Variants in AHCY observed in about 807,000 individuals in gnomAD.
The protein encoded by AHCY is adenosylhomocysteinase.
Under a neutral mutation model 45.4 loss-of-function variants are expected in AHCY, and 24 were observed. The ratio of observed to expected loss-of-function variants is 0.53; its 90% CI spans 0.38 to 0.74. The LOEUF (loss-of-function observed/expected upper bound fraction) is 0.74, where lower values mean the gene tolerates loss of function less well. Among genes scored for constraint, AHCY ranks in the 30% least tolerant of loss-of-function variants. The pLI is 0.00. For synonymous variants in AHCY, 245 were observed against 235.1 expected (o/e 1.04, Z -0.39); for missense variants, 449 against 594.1 (o/e 0.76, Z 2.54).
At chr20:34,262,694 A>G in the AHCY span, 2 of 884,502 alleles carry the variant, frequency 2.3e-6, no homozygotes, top group Non-Finnish European at 3.7e-6. Flanking sequence ...CTTGAGTCCT[A>G]CAGTGTGACT....
the AHCY span, among the ~76,000 whole-genome samples, chr20:34,255,910 G>A: frequency 6.6e-6 from 1 of 152,146 alleles, no homozygotes; most frequent in Non-Finnish European, 1.5e-5. Context: ...CCCCGGGGGA[G>A]TTAGAGAAGA....
intron 2 of AHCY, among the ~76,000 whole-genome samples, chr20:34,294,404 C>A (rs1397575319): frequency 6.6e-6 from 1 of 152,126 alleles, no homozygotes; most frequent in Non-Finnish European, 1.5e-5. Context: ...AGCAAGGGGA[C>A]AACTGCAGAG....
At chr20:34,308,506 T>G (rs2036917030) in intron 1 of AHCY, among the ~76,000 whole-genome samples, 1 of 152,138 alleles carries the variant, frequency 6.6e-6, no homozygotes, top group Non-Finnish European at 1.5e-5. Context: ...GCCAAGATTA[T>G]GCCACTGCAC....
At position 34,281,145 on chromosome 20, in the gene AHCY, T is replaced by A. The variant is rs886056635; in HGVS notation, c.1188A>T (p.Glu396Asp). ...TCACATTCAGCTTGCCCAGGTGGGC[T>A]TCAGCCACTGCCTCATCCAGCTGGG... ...LPKKLDEAVA[E>D]AHLGKLNVKL... The change falls in exon 10 of 10, where the codon GAA becomes GAT. Residue 396 changes from glutamate (E) to aspartate (D), a missense_variant. Physicochemically the swap from Glu to Asp is conservative, Grantham distance 45. Coordinates refer to ENST00000217426, the MANE Select transcript of AHCY (RefSeq NM_000687.4). The A allele has an allele frequency of 6.2e-7, 1 of 1,613,558 alleles. No homozygotes were observed. The highest frequency in any genetic ancestry group is 1.1e-5 in the South Asian group (1 of 91,048).
At chr20:34,249,111 AGAGT>A in the AHCY span, among the ~76,000 whole-genome samples, 1 of 152,122 alleles carries the variant, frequency 6.6e-6, no homozygotes, top group Non-Finnish European at 1.5e-5. Context: ...CCTGGGTGAC[AGAGT>A]GAGACCCTGT....
the AHCY span, among the ~76,000 whole-genome samples, chr20:34,266,913 CCTGT>C: frequency 6.6e-6 from 1 of 152,156 alleles, no homozygotes; most frequent in African/African-American, 2.4e-5. Flanking sequence ...ACACCTTATT[CCTGT>C]CTTAGTGTGC....
chr20:34,306,977 G>A (rs1173813002), upstream of AHCY, among the ~76,000 whole-genome samples: 1 of 152,114 alleles, frequency 6.6e-6, no homozygotes, highest in African/African-American at 2.4e-5. Context: ...TTGTGGTGAT[G>A]GAATGTTCTG....
intron 9 of AHCY, 149 bp downstream of exon 9, chr20:34,285,290 TG>T: frequency 1.2e-6 from 1 of 814,554 alleles, no homozygotes; most frequent in Non-Finnish European, 2.0e-6. Context: ...CTTCTGTCAA[TG>T]GGGAGAATGA....
chr20:34,243,570 A>T, the AHCY span, among the ~76,000 whole-genome samples: 1 of 152,130 alleles, frequency 6.6e-6, no homozygotes, highest in Non-Finnish European at 1.5e-5. Context: ...ACTGTGGAGC[A>T]CATGTTGATA....
upstream of AHCY, among the ~76,000 whole-genome samples, chr20:34,306,146 T>C (rs2036894323): frequency 6.6e-6 from 1 of 151,716 alleles, no homozygotes; most frequent in Admixed American, 6.6e-5. Flanking sequence ...TAATTAATGA[T>C]GACTCTCATC....
chr20:34,270,633 CCATT>C, the AHCY span, among the ~76,000 whole-genome samples: 1 of 152,200 alleles, frequency 6.6e-6, no homozygotes, highest in Non-Finnish European at 1.5e-5. Context: ...GAAGACCAAC[CCATT>C]CATTCATTCA....
chr20:34,246,148 A>T, the AHCY span: 28 of 1,004,432 alleles, frequency 2.8e-5, no homozygotes, highest in East Asian at 9.6e-5. Context: ...TTGCAAGGCC[A>T]CACACTCTTG....
chr20:34,273,416 T>C, the AHCY span, among the ~76,000 whole-genome samples: 1 of 152,226 alleles, frequency 6.6e-6, no homozygotes, highest in Admixed American at 6.5e-5. Flanking sequence ...AAGTGACTTG[T>C]TCAGGCTGGG....
Position 34,303,352 on chromosome 20 carries a change from A to G in AHCY, c.-82T>C. ...AGGAACTGGGCGGGCAGCGCCGAGC[A>G]GGGATATGCGCGTGGCGCCGACGCC... On this transcript the variant is annotated 5_prime_UTR_variant, in exon 1 of 10. Transcript: ENST00000217426. The G allele has an allele frequency of 2.6e-6, 4 of 1,538,496 alleles. No homozygotes were observed. Among genetic ancestry groups the G allele is most frequent in the Non-Finnish European group, 3.5e-6 (4 of 1,135,092 alleles).
In AHCY at chr20:34,292,450, A is replaced by G; in HGVS notation, c.353T>C (p.Leu118Pro). Residue 118 changes from leucine to proline, a missense_variant, in exon 4 of 10, where the codon CTG (leucine) becomes CCG (proline). Physicochemically the swap from Leu to Pro is moderately conservative, Grantham distance 98 (BLOSUM62 -3). Transcript: ENST00000217426. Reference sequence around the variant, plus strand: ...GTTGAGGGGCCCGTCCTTGAAGTACAGGGTCTGCTCAATGCACCACAGGTA... The same window carrying G: ...GTTGAGGGGCCCGTCCTTGAAGTACGGGGTCTGCTCAATGCACCACAGGTA... ...EEYLWCIEQT[L>P]YFKDGPLNMI... The G allele has an allele frequency of 1.2e-6, 2 of 1,614,112 alleles. No individual in the cohort carries two copies. Among genetic ancestry groups the G allele is most frequent in the Non-Finnish European group, 1.7e-6 (2 of 1,180,032 alleles).
chr20:34,295,628 C>A (rs1177485429), intron 1 of AHCY, 43 bp from the exon 2 acceptor site: 1 of 1,600,386 alleles, frequency 6.2e-7, no homozygotes, highest in Non-Finnish European at 8.5e-7. Flanking sequence ...TCCCCTCATC[C>A]CACCAACCAA....
the AHCY span, chr20:34,269,326 A>G: frequency 1.1e-6 from 1 of 928,698 alleles, no homozygotes; most frequent in Non-Finnish European, 1.5e-6. Flanking sequence ...AAATCGAAAT[A>G]CAATATATAT....
intron 3 of AHCY, chr20:34,293,761 C>T: frequency 2.4e-6 from 1 of 422,686 alleles, no homozygotes; most frequent in Non-Finnish European, 4.4e-6. Context: ...GCCCCGTAGC[C>T]CTCCCCAGTT....
At chr20:34,286,443 A>G (rs576859173) in intron 8 of AHCY, 2 of 152,416 alleles carry the variant, frequency 1.3e-5, no homozygotes, top group South Asian at 2.1e-4. Flanking sequence ...GACAGATCCC[A>G]TGTTCTCAAT....
Sources: allele counts gnomAD v4.1 joint callset (sites outside exome capture counted in the v4.1 genomes callset), GRCh38; gene constraint gnomAD v4.1.1; transcripts MANE v1.5; gene names NCBI Gene and HGNC (gene_info 2026-07-23, HGNC 2026-07-21).